Variants in EPHA10 observed in about 807,000 individuals in gnomAD.
EPHA10 encodes the protein ephrin type-A receptor 10.
Under a neutral mutation model 109.7 loss-of-function variants are expected in EPHA10, and 120 were observed. The ratio of observed to expected loss-of-function variants is 1.09; its 90% confidence interval spans 0.94 to 1.27. The LOEUF is 1.27. Among genes scored for constraint, EPHA10 ranks in the 50% most tolerant of loss-of-function variants. EPHA10 has a pLI of 0.00. For missense variants in EPHA10, 1,396 were observed against 1,411.1 expected (o/e 0.99, Z 0.17); for synonymous variants, 640 against 618.9 (o/e 1.03, Z -0.51).
rs773320744 is a variant in EPHA10, at chr1:37,764,953, C to T, written c.106+8G>A. On this transcript the variant is annotated splice_region_variant and intron_variant, in intron 1 of 16. Coordinates refer to ENST00000373048, the MANE Select transcript of EPHA10 (RefSeq NM_001099439.2). This position sits in a 1 kb window ranked among gnomAD's most constrained non-coding sequence, Gnocchi z 5.8. Reference sequence around the variant, plus strand: ...CACGCTCCGAGCAGAGCTCACCAGTCTTCTCACCTTCCTCGGCGGTCCCAG... The same window carrying T: ...CACGCTCCGAGCAGAGCTCACCAGTTTTCTCACCTTCCTCGGCGGTCCCAG... 3.7e-6 allele frequency: 6 copies of T among 1,601,104 alleles called. No homozygotes were observed. In the Admixed American group the frequency reaches 8.7e-5, roughly 23 times the overall value.
In EPHA10 at chr1:37,718,747, C is replaced by T. The variant is rs1366551284; in HGVS notation, c.2826G>A (p.Leu942=). Residue 942 remains leucine (L), a synonymous_variant, in exon 16 of 17, where the codon CTG becomes CTA. Transcript: ENST00000373048. The part of the protein sequence containing the change: ...FPSFGSVGAW[L]EALDLCRYKD... ...TGTAGCGGCACAGGTCCAGGGCCTC[C>T]AGCCACGCGCCCACAGAGCCAAAGG... The T allele has an allele frequency of 1.9e-6, 3 of 1,613,170 alleles. No homozygotes were observed. Among genetic ancestry groups the T allele is most frequent in the Admixed American group, 1.7e-5 (1 of 60,014 alleles).
chr1:37,732,579 CAG>C (rs1459548114), intron 6 of EPHA10, among the ~76,000 whole-genome samples: 1 of 152,136 alleles, frequency 6.6e-6, no homozygotes, highest in Non-Finnish European at 1.5e-5. Flanking sequence ...CATTGAAAGA[CAG>C]AGAAGCAGTG....
At chr1:37,722,862 C>A (rs780501071) in intron 10 of EPHA10, 179 bp downstream of exon 10, 10 of 907,590 alleles carry the variant, frequency 1.1e-5, no homozygotes, top group Admixed American at 2.0e-5. Flanking sequence ...TATAATCAGG[C>A]AAGCCAGGGA....
At chr1:37,729,017 T>C (rs1366897482) in intron 7 of EPHA10, among the ~76,000 whole-genome samples, 9 of 152,204 alleles carry the variant, frequency 5.9e-5, no homozygotes, top group Non-Finnish European at 1.0e-4. Context: ...GGCAAGAGTA[T>C]TGGGATGTCA....
chr1:37,733,477 C>A (rs937393281), intron 6 of EPHA10, among the ~76,000 whole-genome samples: 2 of 152,184 alleles, frequency 1.3e-5, no homozygotes, highest in African/African-American at 4.8e-5. Flanking sequence ...TCTCAGCTTC[C>A]CAAAGTGCTG....
chr1:37,720,077 C>A lies in EPHA10; in HGVS notation c.2413-19G>T. ...GGCCACTCTGTAGGGGCAGGCAGGT[C>A]AGGGGCAAGGAGGAACTGGGTGACA... is the stretch of plus-strand genomic sequence containing the variant. On this transcript the variant is annotated intron_variant, in intron 13 of 16. Coordinates refer to ENST00000373048, the MANE Select transcript of EPHA10 (RefSeq NM_001099439.2). 6.2e-7 allele frequency: 1 copy of A among 1,612,618 alleles called. No individual in the cohort carries two copies. The highest frequency in any genetic ancestry group is 1.1e-5 in the South Asian group (1 of 90,996).
chr1:37,717,929 AC>A lies in EPHA10; in HGVS notation c.*442del, dbSNP rs565781272. 20 of 240,364 alleles carry A rather than the reference AC, an allele frequency of 8.3e-5. No individual in the cohort carries two copies. Among genetic ancestry groups the A allele is most frequent in the East Asian group, 7.3e-4 (12 of 16,502 alleles). 14.9% of individuals were successfully genotyped at this position (240,364 alleles called of 1,614,324 possible). On this transcript the variant is annotated 3_prime_UTR_variant, in exon 17 of 17. Coordinates refer to ENST00000373048, the MANE Select transcript of EPHA10 (RefSeq NM_001099439.2). Reference sequence around the variant, plus strand: ...TGCAGTCACTGCCAGGTAGAAGAAGACCCCCCCAGGACCCACGCTGTCTGAC... The same window carrying A: ...TGCAGTCACTGCCAGGTAGAAGAAGACCCCCCAGGACCCACGCTGTCTGAC...
chr1:37,762,641 G>C lies in EPHA10; in HGVS notation c.171+144C>G, dbSNP rs1326716417. On this transcript the variant is annotated intron_variant, in intron 2 of 16. Transcript: ENST00000373048. Reference sequence around the variant, plus strand: ...CTGAAGACTCAATGTTTTCTAACAGGCCACTCTGGCTTGAAGCCAGGGCTG... The same window carrying C: ...CTGAAGACTCAATGTTTTCTAACAGCCCACTCTGGCTTGAAGCCAGGGCTG... 4 of 538,706 alleles carry C rather than the reference G, an allele frequency of 7.4e-6. No individual in the cohort carries two copies. The African/African-American group carries it at 7.9e-5, about 11-fold the overall frequency. The allele number at this position is 538,706 out of a possible 1,614,324, so 33.4% of individuals were successfully genotyped here.
At chr1:37,719,737 C>G (rs900677) in intron 14 of EPHA10, 130 bp from the exon 15 acceptor site, 126,423 of 1,400,626 alleles carry the variant, frequency 0.09, 6,665 homozygotes, top group African/African-American at 0.19. Context: ...CACAGACACA[C>G]ACACACACAC....
chr1:37,750,254 G>C (rs1646302757), intron 5 of EPHA10, among the ~76,000 whole-genome samples: 1 of 152,150 alleles, frequency 6.6e-6, no homozygotes, highest in Non-Finnish European at 1.5e-5. Flanking sequence ...TCGTATGTGA[G>C]ATGTGTCACC....
rs532277419 is a variant in EPHA10 at position 37,764,108 on chromosome 1, A to T, written c.106+853T>A. On this transcript the variant is annotated intron_variant, in intron 1 of 16. Transcript: ENST00000373048. This position sits in a 1 kb window ranked among gnomAD's most constrained non-coding sequence, Gnocchi z 5.8. ...TCAGGACACCCCGGAGTCTTGGGAG[A>T]TTACCCTCTGGAGCTTAAACCAGGG... Among the ~76,000 whole-genome samples, 12 of 152,242 alleles carry T rather than the reference A, an allele frequency of 7.9e-5. No homozygotes were observed. In the South Asian group the frequency reaches 2.5e-3, roughly 32 times the overall value.
At chr1:37,763,835 C>T (rs1392325350) in intron 1 of EPHA10, among the ~76,000 whole-genome samples, 1 of 152,200 alleles carries the variant, frequency 6.6e-6, no homozygotes, top group African/African-American at 2.4e-5. Context: ...TGGAGAGATA[C>T]TGCTAACAAC....
At chr1:37,715,089 GCACAATCTC>G (rs1645673269), downstream of EPHA10, 1 of 152,180 alleles carries the variant, frequency 6.6e-6, no homozygotes, top group Non-Finnish European at 1.5e-5. Context: ...GAGTATAGTG[GCACAATCTC>G]GGCCCACTGC....
At chr1:37,751,245 A>G (rs992233243) in intron 5 of EPHA10, among the ~76,000 whole-genome samples, 5 of 148,116 alleles carry the variant, frequency 3.4e-5, no homozygotes, top group African/African-American at 1.2e-4. Context: ...AGAAAAAGAA[A>G]AAAAAAAAAG....
intron 10 of EPHA10, chr1:37,722,113 A>G (rs1645808200): frequency 2.8e-6 from 1 of 361,720 alleles, no homozygotes; most frequent in Non-Finnish European, 5.0e-6. Context: ...ACTGGGTGAC[A>G]GAGCAAGACT....
Position 37,735,263 on chromosome 1 carries a change from G to C in EPHA10, c.1485C>G (p.Tyr495Ter). ...CTCCCAGACACGCACTCACCTTCTC[G>C]TAGTATCGGATCTCGTACTCCGTGT... is the stretch of plus-strand genomic sequence containing the variant. ...ANDTEYEIRY[Y>*]EKGQSEQTYS... The change falls in exon 6 of 17, where the codon TAC (tyrosine) becomes TAG (stop). Residue 495 changes from tyrosine to a stop codon, truncating the protein, a stop_gained. Coordinates refer to ENST00000373048, the MANE Select transcript of EPHA10 (RefSeq NM_001099439.2). LOFTEE classifies it high-confidence loss of function. 1 of 1,567,158 alleles carries C rather than the reference G, an allele frequency of 6.4e-7. No individual in the cohort carries two copies.
chr1:37,724,452 G>A (rs1645854326), intron 8 of EPHA10, among the ~76,000 whole-genome samples: 1 of 152,108 alleles, frequency 6.6e-6, no homozygotes, highest in African/African-American at 2.4e-5. Flanking sequence ...AGAGGATGGA[G>A]TCTGAGAAGA....
chr1:37,761,218 C>T, intron 3 of EPHA10, 187 bp downstream of exon 3: 1 of 1,482,352 alleles, frequency 6.7e-7, no homozygotes, highest in South Asian at 1.4e-5. Flanking sequence ...AGTAAGTTCA[C>T]TCATTGGCCC....
intron 11 of EPHA10, among the ~76,000 whole-genome samples, chr1:37,721,439 A>AAAAG (rs919748022): frequency 6.6e-5 from 10 of 151,390 alleles, no homozygotes; most frequent in Admixed American, 4.6e-4. Context: ...AAAAAAAAAA[A>AAAAG]AAAGAAAGAA....
Sources: allele counts gnomAD v4.1 joint callset (sites outside exome capture counted in the v4.1 genomes callset), GRCh38; gene constraint gnomAD v4.1.1; non-coding constraint Gnocchi (gnomAD v3.1); transcripts MANE v1.5; gene names NCBI Gene and HGNC (gene_info 2026-07-23, HGNC 2026-07-21).